TTC28: variants seen among roughly 807,000 people sequenced by gnomAD.
TTC28 encodes the protein tetratricopeptide repeat protein 28.
Under a neutral mutation model 198.0 loss-of-function variants are expected in TTC28, and 61 were observed. The ratio of observed to expected loss-of-function variants is 0.31; its 90% CI spans 0.25 to 0.38. The LOEUF (loss-of-function observed/expected upper bound fraction) is 0.38, where lower values mean the gene tolerates loss of function less well. TTC28 is among the 10% of genes least tolerant of loss of function. The pLI is 1.00. For missense variants in TTC28, 2,678 were observed against 3,164.0 expected (o/e 0.85, Z 3.69); for synonymous variants, 1,171 against 1,297.8 (o/e 0.90, Z 2.10).
At chr22:28,234,474 G>T (rs968831259) in intron 5 of TTC28, among the ~76,000 whole-genome samples, 1 of 152,066 alleles carries the variant, frequency 6.6e-6, no homozygotes, top group Admixed American at 6.5e-5. Flanking sequence ...CTGGGTTCAC[G>T]TGATTCTCCT....
chr22:28,467,508 C>G (rs545901608), intron 2 of TTC28, among the ~76,000 whole-genome samples: 1 of 152,314 alleles, frequency 6.6e-6, no homozygotes, highest in Non-Finnish European at 1.5e-5. Flanking sequence ...CCAGACACAT[C>G]ATGTGAGCCT....
intron 5 of TTC28, among the ~76,000 whole-genome samples, chr22:28,188,263 G>A (rs1359410497): frequency 6.6e-6 from 1 of 152,270 alleles, no homozygotes; most frequent in East Asian, 1.9e-4. Flanking sequence ...GATGACAGTA[G>A]ATGAAAGATA....
intron 1 of TTC28, among the ~76,000 whole-genome samples, chr22:28,630,689 G>A (rs1286606566): frequency 1.3e-5 from 2 of 152,024 alleles, no homozygotes; most frequent in African/African-American, 4.8e-5. Flanking sequence ...CATTCTTCAT[G>A]ATCTGCTCTA....
chr22:28,014,134 C>G, intron 14 of TTC28, 114 bp downstream of exon 14: 2 of 1,306,988 alleles, frequency 1.5e-6, no homozygotes, highest in Middle Eastern at 1.9e-4. Context: ...TTCTGGAAAG[C>G]CTCCGGTTGT....
chr22:28,270,403 T>TA (rs1283953108), intron 5 of TTC28, among the ~76,000 whole-genome samples: 11 of 152,130 alleles, frequency 7.2e-5, no homozygotes, highest in African/African-American at 2.7e-4. Flanking sequence ...GCAATACTAT[T>TA]AAATAGTAGC....
At chr22:28,220,440 T>C (rs983693629) in intron 5 of TTC28, among the ~76,000 whole-genome samples, 2 of 152,230 alleles carry the variant, frequency 1.3e-5, no homozygotes, top group African/African-American at 4.8e-5. Context: ...AGGCTTAATT[T>C]GGGGAGGATC....
At chr22:28,120,786 C>G (rs927675220) in intron 6 of TTC28, among the ~76,000 whole-genome samples, 2 of 152,188 alleles carry the variant, frequency 1.3e-5, no homozygotes, top group African/African-American at 4.8e-5. Flanking sequence ...GATGTTTTAG[C>G]AAGGCTGGAG....
rs536250565 is a variant in TTC28, at chr22:28,626,444, T to C, written c.381+3108A>G. 5.7e-4 allele frequency among the ~76,000 whole-genome samples: 86 copies of C among 152,042 alleles called. 1 individual carries two copies. The Middle Eastern group carries it at 0.02, about 36-fold the overall frequency. On this transcript the variant is annotated intron_variant, in intron 2 of 22. Coordinates refer to ENST00000397906, the MANE Select transcript of TTC28 (RefSeq NM_001145418.2). ...ACAAAAATATTTCAGATAAAGACTT[T>C]AGAAAAGCAAAGCATTATAATAAAA...
intron 3 of TTC28, among the ~76,000 whole-genome samples, chr22:28,302,039 A>AAATAATAAT (rs10656307): frequency 7.6e-4 from 111 of 145,606 alleles, no homozygotes; most frequent in East Asian, 1.6e-3. Flanking sequence ...TCCTGTCTCA[A>AAATAATAAT]AATAATAATA....
chr22:28,469,423 T>G (rs549078021), intron 2 of TTC28, among the ~76,000 whole-genome samples: 1 of 152,152 alleles, frequency 6.6e-6, no homozygotes, highest in Non-Finnish European at 1.5e-5. Context: ...GAATCTGTAA[T>G]GCTAGTTTAT....
chr22:28,013,607 A>T (rs1938240361), intron 14 of TTC28, among the ~76,000 whole-genome samples: 1 of 152,190 alleles, frequency 6.6e-6, no homozygotes, highest in Non-Finnish European at 1.5e-5. Context: ...ACTCCATCTC[A>T]CCAGAAAGCA....
chr22:28,673,583 A>G (rs1343636308), intron 1 of TTC28, among the ~76,000 whole-genome samples: 1 of 152,230 alleles, frequency 6.6e-6, no homozygotes, highest in Non-Finnish European at 1.5e-5. Context: ...TTGCATAAAG[A>G]GTATCACTTT....
chr22:27,999,377 T>G (rs1937614168), intron 15 of TTC28, 117 bp from the exon 16 acceptor site: 5 of 1,389,682 alleles, frequency 3.6e-6, no homozygotes, highest in Non-Finnish European at 4.8e-6. Flanking sequence ...TGAATCCACC[T>G]GTTTCCCCAG....
chr22:28,428,661 C>G (rs1057051014), intron 2 of TTC28, among the ~76,000 whole-genome samples: 8 of 105,972 alleles, frequency 7.5e-5, no homozygotes, highest in African/African-American at 1.6e-4. Context: ...TTTTTTGAGA[C>G]AGAGTCTTGT....
At chr22:28,591,008 A>AACACACACAC (rs55694132) in intron 2 of TTC28, among the ~76,000 whole-genome samples, 3 of 55,132 alleles carry the variant, frequency 5.4e-5, no homozygotes, top group African/African-American at 2.1e-4. Flanking sequence ...CTCTGCCTCA[A>AACACACACAC]ACACACACAC....
At chr22:28,602,051 T>TC (rs2050648303) in intron 2 of TTC28, among the ~76,000 whole-genome samples, 1 of 151,742 alleles carries the variant, frequency 6.6e-6, no homozygotes, top group South Asian at 2.1e-4. Flanking sequence ...ATCAAGAGAG[T>TC]CAGGCAAGCA....
At chr22:28,036,209 G>A (rs1235138119) in intron 12 of TTC28, among the ~76,000 whole-genome samples, 1 of 151,948 alleles carries the variant, frequency 6.6e-6, no homozygotes, top group African/African-American at 2.4e-5. Flanking sequence ...CATCACATCG[G>A]ACTTATTCTA....
rs558320786 is a variant in TTC28 at position 28,543,122 on chromosome 22, T to G, written c.381+86430A>C. ...GGCCAAGTTGTGAGGACTGCTTGAGTCCACGAGTCTGAGACCAGCCTGGGC... is the reference window on the plus strand; with the variant it reads ...GGCCAAGTTGTGAGGACTGCTTGAGGCCACGAGTCTGAGACCAGCCTGGGC... On this transcript the variant is annotated intron_variant, in intron 2 of 22. Coordinates refer to ENST00000397906, the MANE Select transcript of TTC28 (RefSeq NM_001145418.2). Among the ~76,000 whole-genome samples the G allele has an allele frequency of 1.3e-4, 20 of 152,148 alleles. No homozygotes were observed. The South Asian group carries it at 4.2e-3, about 32-fold the overall frequency.
chr22:28,077,394 G>A, intron 12 of TTC28, among the ~76,000 whole-genome samples: 1 of 152,162 alleles, frequency 6.6e-6, no homozygotes, highest in South Asian at 2.1e-4. Flanking sequence ...GGGCTCAAGT[G>A]ATCCTCCCAC....
Sources: gnomAD v4.1 joint callset for allele counts (sites outside exome capture counted in the v4.1 genomes callset) on GRCh38, gnomAD v4.1.1 for gene constraint, MANE v1.5 for transcripts, NCBI Gene and HGNC (gene_info 2026-07-23, HGNC 2026-07-21) for gene names.